Variants in TRAPPC9 observed in about 807,000 individuals in gnomAD.
The protein encoded by TRAPPC9 is trafficking protein particle complex subunit 9.
TRAPPC9 carries 83 observed loss-of-function variants against 124.0 expected under a neutral mutation model. The ratio of observed to expected loss-of-function variants is 0.67; its 90% CI spans 0.56 to 0.80. The LOEUF (loss-of-function observed/expected upper bound fraction) is 0.80, where lower values mean the gene tolerates loss of function less well. Among genes scored for constraint, TRAPPC9 ranks in the 30% least tolerant of loss-of-function variants. The pLI, the probability that TRAPPC9 is intolerant of heterozygous loss-of-function variation, is 0.00. For synonymous variants in TRAPPC9, 638 were observed against 617.5 expected, an observed-to-expected ratio of 1.03 and a Z score of -0.49; for missense variants, 1,302 against 1,508.3, an observed-to-expected ratio of 0.86 and a Z score of 2.27.
intron 19 of TRAPPC9, among the ~76,000 whole-genome samples, chr8:139,973,987 A>C (rs1395799517): frequency 6.6e-6 from 1 of 152,090 alleles, no homozygotes; most frequent in Non-Finnish European, 1.5e-5. Context: ...GTACCAAAGA[A>C]AGCAGCAGGA....
rs115571411 is a variant in TRAPPC9 at position 139,835,401 on chromosome 8, A to T, written c.3055+50478T>A. ...GCTGCTCTGCGACTCTGCAGCAAGCATCCTCGCCGCCGTCCAGCCTTCCCT... is the reference window on the plus strand; with the variant it reads ...GCTGCTCTGCGACTCTGCAGCAAGCTTCCTCGCCGCCGTCCAGCCTTCCCT... On this transcript the variant is annotated intron_variant, in intron 21 of 22. Transcript: ENST00000438773. Among the ~76,000 whole-genome samples the T allele has an allele frequency of 5.9e-3, 902 of 152,366 alleles. 8 individuals carry two copies. The highest frequency in any genetic ancestry group is 0.02 in the African/African-American group (848 of 41,598).
chr8:139,823,039 C>A lies in TRAPPC9; in HGVS notation c.3055+62840G>T, dbSNP rs145228275. Among the ~76,000 whole-genome samples the A allele has an allele frequency of 2.1e-3, 315 of 152,256 alleles. 3 individuals are homozygous for A. The highest frequency in any genetic ancestry group is 7.1e-3 in the African/African-American group (293 of 41,540). ...TCTCTGGCGCCTCTTCCTACAGGGACAGTAATTTGATTGACTCAGGCCCCA... is the reference window on the plus strand; with the variant it reads ...TCTCTGGCGCCTCTTCCTACAGGGAAAGTAATTTGATTGACTCAGGCCCCA... On this transcript the variant is annotated intron_variant, in intron 21 of 22. Transcript: ENST00000438773.
intron 17 of TRAPPC9, among the ~76,000 whole-genome samples, chr8:140,151,586 T>C (rs1257160441): frequency 1.3e-5 from 2 of 152,144 alleles, no homozygotes; most frequent in Non-Finnish European, 2.9e-5. Flanking sequence ...ACCAGGCACA[T>C]TGGACTAGGG....
At chr8:139,915,309 C>A (rs1470503299) in intron 19 of TRAPPC9, among the ~76,000 whole-genome samples, 2 of 152,100 alleles carry the variant, frequency 1.3e-5, no homozygotes, top group South Asian at 4.1e-4. Flanking sequence ...TACAGTGGTG[C>A]AATCTCTGCT....
At chr8:140,266,574 TGTGGCCGGGTGCA>T (rs775212460) in intron 15 of TRAPPC9, among the ~76,000 whole-genome samples, 38 of 151,964 alleles carry the variant, frequency 2.5e-4, no homozygotes, top group Non-Finnish European at 4.6e-4. Context: ...AACTCATCTC[TGTGGCCGGGTGCA>T]GTGGCTCATG....
intron 17 of TRAPPC9, among the ~76,000 whole-genome samples, chr8:140,113,242 A>C (rs1314882203): frequency 6.6e-6 from 1 of 152,196 alleles, no homozygotes; most frequent in Non-Finnish European, 1.5e-5. Flanking sequence ...CATTTCAGGG[A>C]GATTGACACA....
chr8:140,077,226 G>A (rs190150609), intron 17 of TRAPPC9, among the ~76,000 whole-genome samples: 9 of 152,198 alleles, frequency 5.9e-5, no homozygotes, highest in African/African-American at 2.4e-5. Context: ...ATATTTGTTT[G>A]TGTATTGAAC....
chr8:140,303,057 C>T (rs537205734), intron 10 of TRAPPC9, among the ~76,000 whole-genome samples: 78 of 152,294 alleles, frequency 5.1e-4, no homozygotes, highest in African/African-American at 1.8e-3. Flanking sequence ...GAGTCCGAAG[C>T]ACGACCCTGA....
chr8:140,308,475 G>C (rs537480464), intron 10 of TRAPPC9, among the ~76,000 whole-genome samples: 19 of 152,118 alleles, frequency 1.2e-4, no homozygotes, highest in Non-Finnish European at 2.1e-4. Flanking sequence ...TACGATCCAC[G>C]TGAGGAAGGA....
Position 139,929,283 on chromosome 8 carries a change from GCA to G in TRAPPC9, c.2811-18985_2811-18984del, listed in dbSNP as rs1425743067. Among the ~76,000 whole-genome samples the G allele has an allele frequency of 4.6e-5, 7 of 152,330 alleles. No homozygotes were observed. The East Asian group carries it at 1.2e-3, about 25-fold the overall frequency. On this transcript the variant is annotated intron_variant, in intron 19 of 22. Coordinates refer to ENST00000438773, the MANE Select transcript of TRAPPC9 (RefSeq NM_001160372.4). ...TGTCTCTAAAGTCTTACAAAGCACAGCACAGAGTGGATGATCAATACATGAAT... is the reference window on the plus strand; with the variant it reads ...TGTCTCTAAAGTCTTACAAAGCACAGCAGAGTGGATGATCAATACATGAAT...
intron 17 of TRAPPC9, among the ~76,000 whole-genome samples, chr8:140,105,996 TA>T (rs1484396076): frequency 1.4e-5 from 2 of 146,788 alleles, no homozygotes; most frequent in Non-Finnish European, 3.0e-5. Flanking sequence ...TCCAAAGAGC[TA>T]AATCACCAAG....
chr8:139,922,288 G>A (rs572969935), intron 19 of TRAPPC9, among the ~76,000 whole-genome samples: 3 of 152,026 alleles, frequency 2.0e-5, no homozygotes, highest in African/African-American at 7.2e-5. Context: ...GGTTCAAGCG[G>A]TTCTCCTGTT....
intron 17 of TRAPPC9, among the ~76,000 whole-genome samples, chr8:140,116,298 A>G (rs778327166): frequency 2.0e-5 from 3 of 152,276 alleles, no homozygotes; most frequent in Non-Finnish European, 4.4e-5. Context: ...GACAGGGTTT[A>G]TTTTGCACCT....
At chr8:139,945,529 G>A (rs1834150633) in intron 19 of TRAPPC9, among the ~76,000 whole-genome samples, 1 of 99,008 alleles carries the variant, frequency 1.0e-5, no homozygotes, top group Non-Finnish European at 1.8e-5. Flanking sequence ...CTCCACAATT[G>A]ACAGCACAAT....
chr8:140,092,751 G>A (rs1844658207), intron 17 of TRAPPC9, among the ~76,000 whole-genome samples: 1 of 152,146 alleles, frequency 6.6e-6, no homozygotes, highest in Non-Finnish European at 1.5e-5. Context: ...TCTGGGTGCT[G>A]GAAATGATGG....
chr8:140,422,753 C>A (rs372718382), intron 5 of TRAPPC9, among the ~76,000 whole-genome samples: 911 of 103,364 alleles, frequency 8.8e-3, no homozygotes, highest in African/African-American at 0.012. Flanking sequence ...GATTCTGTCT[C>A]AAAAAAAAAA....
intron 17 of TRAPPC9, among the ~76,000 whole-genome samples, chr8:140,073,954 C>T (rs954401293): frequency 1.1e-4 from 16 of 152,302 alleles, no homozygotes; most frequent in African/African-American, 3.8e-4. Flanking sequence ...CTCATTAAAT[C>T]CTCCCAGCAA....
intron 17 of TRAPPC9, among the ~76,000 whole-genome samples, chr8:140,212,116 A>G (rs1221948986): frequency 6.6e-6 from 1 of 152,236 alleles, no homozygotes. Flanking sequence ...TGCGCTCAGG[A>G]CCAGCAATGC....
At chr8:139,952,184 A>C (rs538763595) in intron 19 of TRAPPC9, among the ~76,000 whole-genome samples, 2 of 152,244 alleles carry the variant, frequency 1.3e-5, no homozygotes, top group Non-Finnish European at 2.9e-5. Flanking sequence ...GCCCTGATCC[A>C]CATTACTTTC....
Sources: gnomAD v4.1 joint callset for allele counts (sites outside exome capture counted in the v4.1 genomes callset) on GRCh38, gnomAD v4.1.1 for gene constraint, MANE v1.5 for transcripts, NCBI Gene and HGNC (gene_info 2026-07-23, HGNC 2026-07-21) for gene names.